The following CFAP20 variants were observed in gnomAD, a reference collection of about 807,000 sequenced individuals.
The protein encoded by CFAP20 is cilia- and flagella-associated protein 20.
A neutral mutation model predicts 25.5 loss-of-function variants in CFAP20; 14 were observed. The ratio of observed to expected loss-of-function variants is 0.55; its 90% confidence interval spans 0.36 to 0.86. CFAP20 has a LOEUF of 0.86. Ranked by LOEUF, CFAP20 falls within the 40% of genes least tolerant of loss-of-function variation. The pLI is 0.01. For missense variants in CFAP20, 181 were observed against 248.0 expected, an observed-to-expected ratio of 0.73 and a Z score of 1.81; for synonymous variants, 75 against 91.1, an observed-to-expected ratio of 0.82 and a Z score of 1.01.
chr16:58,125,599 G>C (rs1960601211), intron 1 of CFAP20, among the ~76,000 whole-genome samples: 1 of 152,074 alleles, frequency 6.6e-6, no homozygotes, highest in South Asian at 2.1e-4. Flanking sequence ...TGGGAGGATT[G>C]CTTGAGCCCA....
intron 1 of CFAP20, 71 bp downstream of exon 1, chr16:58,128,961 C>G (rs1277925988): frequency 5.3e-6 from 8 of 1,504,574 alleles, no homozygotes; most frequent in Middle Eastern, 2.0e-4. Flanking sequence ...CAACCATTCC[C>G]CGTCCCCAGC....
intron 1 of CFAP20, among the ~76,000 whole-genome samples, chr16:58,122,799 A>G (rs1960552445): frequency 6.6e-6 from 1 of 152,182 alleles, no homozygotes; most frequent in Non-Finnish European, 1.5e-5. Context: ...TTTTCTGAAG[A>G]GAGACTTTAT....
rs139367692 is a variant in CFAP20, at chr16:58,123,997, T to A, written c.84+5035A>T. Reference sequence around the variant, plus strand: ...CTAATGAAAAGATGGGAGTGAGGCTTGTGGGGTGGTGAGGGGCAGCGCCCA... The same window carrying A: ...CTAATGAAAAGATGGGAGTGAGGCTAGTGGGGTGGTGAGGGGCAGCGCCCA... On this transcript the variant is annotated intron_variant, in intron 1 of 5. Coordinates refer to ENST00000262498, the MANE Select transcript of CFAP20 (RefSeq NM_013242.3). Among the ~76,000 whole-genome samples, 87 of 152,136 alleles carry A rather than the reference T, an allele frequency of 5.7e-4. No homozygotes were observed. In the East Asian group the frequency reaches 0.016, roughly 27 times the overall value.
chr16:58,125,848 G>A (rs1419332195), intron 1 of CFAP20, among the ~76,000 whole-genome samples: 1 of 152,180 alleles, frequency 6.6e-6, no homozygotes, highest in African/African-American at 2.4e-5. Flanking sequence ...ACAAACACGA[G>A]TAATGCATTT....
chr16:58,116,441 T>C (rs377436066), intron 2 of CFAP20: 39 of 332,822 alleles, frequency 1.2e-4, no homozygotes, highest in African/African-American at 7.9e-4. Flanking sequence ...TCAATTCTGG[T>C]CCAGGGGAGC....
At chr16:58,114,303 G>A (rs1007799424) in intron 5 of CFAP20, among the ~76,000 whole-genome samples, 4 of 152,178 alleles carry the variant, frequency 2.6e-5, no homozygotes, top group Non-Finnish European at 5.9e-5. Flanking sequence ...CGAGGCAGGC[G>A]GATCACTTGA....
In CFAP20 at chr16:58,113,756, G is replaced by A. The variant is rs562361208; in HGVS notation, c.*269C>T. The A allele has an allele frequency of 2.0e-4, 93 of 463,484 alleles. No individual in the cohort carries two copies. The highest frequency in any genetic ancestry group is 1.5e-3 in the African/African-American group (77 of 51,620). The allele number at this position is 463,484 out of a possible 1,614,324, so 28.7% of individuals were successfully genotyped here. On this transcript the variant is annotated 3_prime_UTR_variant, in exon 6 of 6. Coordinates refer to ENST00000262498, the MANE Select transcript of CFAP20 (RefSeq NM_013242.3). ...TTTAATTCTGTAAGTTCATGGTAAA[G>A]GTATCTCCCCCCACACTGGGGCAGG...
intron 1 of CFAP20, among the ~76,000 whole-genome samples, chr16:58,118,969 C>T (rs1035826960): frequency 3.3e-5 from 5 of 152,150 alleles, no homozygotes; most frequent in Admixed American, 6.6e-5. Context: ...TGTTAGGCTG[C>T]CATAATCAAT....
At chr16:58,116,243 C>A in intron 2 of CFAP20, 91 bp from the exon 3 acceptor site, 1 of 896,864 alleles carries the variant, frequency 1.1e-6, no homozygotes, top group Admixed American at 2.3e-5. Context: ...AGAGGATACA[C>A]TGGAAAGCAG....
chr16:58,124,964 C>T lies in CFAP20; in HGVS notation c.84+4068G>A, dbSNP rs565501624. On this transcript the variant is annotated intron_variant, in intron 1 of 5. Transcript: ENST00000262498. ...TTTTCTTTCATCAATAATAAATTAA[C>T]CTTGGCTTACTGGAACTTTTTTACT... Among the ~76,000 whole-genome samples the T allele has an allele frequency of 3.3e-5, 5 of 152,218 alleles. No individual in the cohort carries two copies. In the East Asian group the frequency reaches 5.8e-4, roughly 18 times the overall value.
intron 3 of CFAP20, 141 bp from the exon 4 acceptor site, chr16:58,115,598 T>C: frequency 1.1e-6 from 1 of 951,566 alleles, no homozygotes; most frequent in Non-Finnish European, 1.6e-6. Flanking sequence ...CAGACACAGG[T>C]CATACACTGC....
chr16:58,123,640 T>TAC (rs1391704280), intron 1 of CFAP20, among the ~76,000 whole-genome samples: 1 of 117,080 alleles, frequency 8.5e-6, no homozygotes, highest in African/African-American at 3.0e-5. Context: ...GACTGAAAAT[T>TAC]ACAGCATGTT....
chr16:58,114,038 G>C lies in CFAP20; in HGVS notation c.577-8C>G. ...TCACAATTCCAGTTATTGCTGAAGG[G>C]AAAAAACAGAGAAGTGGCATCAGTT... On this transcript the variant is annotated splice_region_variant and splice_polypyrimidine_tract_variant and intron_variant, in intron 5 of 5. Transcript: ENST00000262498. 6.2e-7 allele frequency: 1 copy of C among 1,613,436 alleles called. No individual in the cohort carries two copies. Among genetic ancestry groups the C allele is most frequent in the Non-Finnish European group, 8.5e-7 (1 of 1,179,456 alleles).
At chr16:58,128,731 T>C (rs1704240199) in intron 1 of CFAP20, among the ~76,000 whole-genome samples, 1 of 152,018 alleles carries the variant, frequency 6.6e-6, no homozygotes, top group African/African-American at 2.4e-5. Context: ...CTCAAAAGAA[T>C]GGACTGACCG....
intron 1 of CFAP20, among the ~76,000 whole-genome samples, chr16:58,120,835 T>C (rs1960524867): frequency 1.3e-5 from 2 of 152,206 alleles, no homozygotes; most frequent in Non-Finnish European, 2.9e-5. Flanking sequence ...ATTTTGAACC[T>C]GGCTGGTGGT....
chr16:58,115,124 G>A (rs989847214), intron 4 of CFAP20, 145 bp downstream of exon 4: 16 of 1,217,232 alleles, frequency 1.3e-5, no homozygotes, highest in East Asian at 2.3e-5. Flanking sequence ...ATATTTCCTG[G>A]ACCTTTGTGA....
At chr16:58,116,227 G>A (rs537375750) in intron 2 of CFAP20, 75 bp from the exon 3 acceptor site, 3 of 1,035,712 alleles carry the variant, frequency 2.9e-6, no homozygotes, top group Non-Finnish European at 2.9e-6. Flanking sequence ...AATAACACAC[G>A]GTCCAAGAGG....
intron 5 of CFAP20, 107 bp downstream of exon 5, chr16:58,114,703 G>C: frequency 1.2e-6 from 1 of 836,466 alleles, no homozygotes; most frequent in Admixed American, 2.3e-5. Context: ...ACCCCAAAGT[G>C]TCAACACAGA....
chr16:58,117,110 G>A, intron 1 of CFAP20, 159 bp from the exon 2 acceptor site: 1 of 582,264 alleles, frequency 1.7e-6, no homozygotes, highest in Non-Finnish European at 3.0e-6. Context: ...CTCTAGACAG[G>A]GTCACACCAA....
Sources: gnomAD v4.1 joint callset for allele counts (sites outside exome capture counted in the v4.1 genomes callset) on GRCh38, gnomAD v4.1.1 for gene constraint, MANE v1.5 for transcripts, NCBI Gene and HGNC (gene_info 2026-07-23, HGNC 2026-07-21) for gene names.